The following CDH17 variants were observed in gnomAD, a reference collection of about 807,000 sequenced individuals.
CDH17 encodes cadherin 17, also known as cadherin-17.
Under a neutral mutation model 86.3 loss-of-function variants are expected in CDH17, and 67 were observed. The ratio of observed to expected loss-of-function variants is 0.78; its 90% confidence interval spans 0.64 to 0.95. CDH17 has a LOEUF of 0.95. Ranked by LOEUF, CDH17 falls within the 40% of genes least tolerant of loss-of-function variation. The pLI, the probability that CDH17 is intolerant of heterozygous loss-of-function variation, is 0.00. For synonymous variants in CDH17, 367 were observed against 366.4 expected (o/e 1.00, Z -0.02); for missense variants, 993 against 1,017.6 (o/e 0.98, Z 0.33).
At chr8:94,128,869 G>A (rs1010166675) in intron 17 of CDH17, among the ~76,000 whole-genome samples, 1 of 152,040 alleles carries the variant, frequency 6.6e-6, no homozygotes, top group Admixed American at 6.6e-5. Flanking sequence ...ATGTTGTTGT[G>A]GGACCCTGGG....
In CDH17 at chr8:94,192,504, AG is replaced by A. The variant is rs146745314; in HGVS notation, c.51+2130del. Among the ~76,000 whole-genome samples, 780 of 152,332 alleles carry A rather than the reference AG, an allele frequency of 5.1e-3. 9 individuals are homozygous for A. Among genetic ancestry groups the A allele is most frequent in the Non-Finnish European group, 8.1e-3 (553 of 68,026 alleles). ...AGTATCTCCAGAGAAGTCCCACAGT[AG>A]AAGCAAAGCATTCAGAGACAGAGCT... On this transcript the variant is annotated intron_variant, in intron 2 of 17. Transcript: ENST00000027335.
intron 1 of CDH17, among the ~76,000 whole-genome samples, chr8:94,216,737 C>T (rs995239818): frequency 6.6e-6 from 1 of 152,174 alleles, no homozygotes; most frequent in Non-Finnish European, 1.5e-5. Context: ...TAGTTAACTA[C>T]ACAATACTTG....
chr8:94,199,437 A>C (rs780845675), intron 1 of CDH17, among the ~76,000 whole-genome samples: 14 of 151,378 alleles, frequency 9.2e-5, no homozygotes, highest in Non-Finnish European at 2.1e-4. Flanking sequence ...AACTGGTCGA[A>C]CTAGATCATC....
chr8:94,158,622 G>C (rs1306254831), intron 12 of CDH17, among the ~76,000 whole-genome samples: 1 of 152,130 alleles, frequency 6.6e-6, no homozygotes, highest in East Asian at 1.9e-4. Context: ...CTTTCTTTCT[G>C]TGGTATTCTC....
Position 94,128,315 on chromosome 8 carries a change from G to C in CDH17, c.2424C>G (p.Ile808Met). Reference sequence around the variant, plus strand: ...CTTTGCCTTTATCCTTCTTTATGCGGATAAACACAACTGCTAAAATTATAC... The same window carrying C: ...CTTTGCCTTTATCCTTCTTTATGCGCATAAACACAACTGCTAAAATTATAC... The part of the protein sequence containing the change: ...VIGIILAVVF[I>M]RIKKDKGKDN... The change falls in exon 18 of 18, where the codon ATC (isoleucine) becomes ATG (methionine). Residue 808 changes from isoleucine (I) to methionine (M), a missense_variant. Coordinates refer to ENST00000027335, the MANE Select transcript of CDH17 (RefSeq NM_004063.4). 6.2e-7 allele frequency: 1 copy of C among 1,612,204 alleles called. No homozygotes were observed. The highest frequency in any genetic ancestry group is 8.5e-7 in the Non-Finnish European group (1 of 1,178,710).
chr8:94,200,797 G>A (rs1002094869), intron 1 of CDH17, among the ~76,000 whole-genome samples: 6 of 151,910 alleles, frequency 3.9e-5, no homozygotes, highest in Non-Finnish European at 8.8e-5. Context: ...CATCCAGCCC[G>A]GATAACGACA....
chr8:94,200,898 T>C (rs983776133), intron 1 of CDH17, among the ~76,000 whole-genome samples: 20 of 152,150 alleles, frequency 1.3e-4, no homozygotes, highest in African/African-American at 4.3e-4. Context: ...TCAGAACAAC[T>C]CTATGGAGCA....
intron 1 of CDH17, among the ~76,000 whole-genome samples, chr8:94,207,458 T>C (rs1396398631): frequency 6.6e-6 from 1 of 152,218 alleles, no homozygotes; most frequent in Non-Finnish European, 1.5e-5. Flanking sequence ...TGGAAAATGA[T>C]GAAACTGGCC....
chr8:94,170,747 G>T, intron 8 of CDH17, 107 bp downstream of exon 8: 1 of 1,411,898 alleles, frequency 7.1e-7, no homozygotes, highest in East Asian at 2.3e-5. Flanking sequence ...GCTGGAGTCT[G>T]AAATGTGTGT....
intron 2 of CDH17, among the ~76,000 whole-genome samples, chr8:94,192,490 A>G (rs955013463): frequency 1.3e-5 from 2 of 152,208 alleles, no homozygotes; most frequent in African/African-American, 4.8e-5. Context: ...GTATCTCCAG[A>G]GAAGTCCCAC....
chr8:94,194,039 C>T (rs903652669), intron 2 of CDH17, among the ~76,000 whole-genome samples: 8 of 151,824 alleles, frequency 5.3e-5, no homozygotes, highest in Middle Eastern at 3.2e-3. Context: ...TCAGCAGTCA[C>T]GTAGATTTTA....
chr8:94,148,711 CTTTTT>C (rs747725933), intron 14 of CDH17, 28 bp downstream of exon 14: 1 of 1,337,870 alleles, frequency 7.5e-7, no homozygotes, highest in Non-Finnish European at 9.8e-7. Flanking sequence ...ATCTGTGTTC[CTTTTT>C]TTTTGTTTTT....
chr8:94,132,419 T>G (rs563828724), intron 15 of CDH17, among the ~76,000 whole-genome samples: 6 of 152,372 alleles, frequency 3.9e-5, no homozygotes, highest in Admixed American at 2.6e-4. Flanking sequence ...TGCATTTCTC[T>G]GATGACCAGT....
intron 15 of CDH17, 49 bp downstream of exon 15, chr8:94,145,879 A>G (rs1430904548): frequency 1.3e-6 from 2 of 1,571,160 alleles, no homozygotes; most frequent in Non-Finnish European, 8.7e-7. Context: ...AATAAAACCT[A>G]CTTTCATCAT....
chr8:94,165,850 G>C lies in CDH17; in HGVS notation c.1193C>G (p.Thr398Ser). Residue 398 changes from threonine to serine, a missense_variant, in exon 10 of 18, where the codon ACC becomes AGC. Physicochemically the swap from Thr to Ser is moderately conservative, Grantham distance 58. Coordinates refer to ENST00000027335, the MANE Select transcript of CDH17 (RefSeq NM_004063.4). ...AGCTAACTGTAACATTCCAGCATAG[G>C]TTTGGATTAGGAAGAGTCCATCCAT... ...LPMDGLFLIQ[T>S]YAGMLQLAKQ... 1 of 1,613,778 alleles carries C rather than the reference G, an allele frequency of 6.2e-7. No homozygotes were observed.
intron 15 of CDH17, among the ~76,000 whole-genome samples, chr8:94,142,558 T>C (rs1306948201): frequency 6.6e-6 from 1 of 152,238 alleles, no homozygotes; most frequent in East Asian, 1.9e-4. Context: ...GAGAGCCCTC[T>C]GTATAGCATG....
At chr8:94,130,577 A>C in intron 17 of CDH17, 49 bp downstream of exon 17, 1 of 1,314,740 alleles carries the variant, frequency 7.6e-7, no homozygotes, top group Non-Finnish European at 1.1e-6. Context: ...ATGAGCTCAC[A>C]TTTCTGAGGC....
At position 94,160,134 on chromosome 8, in the gene CDH17, G is replaced by GC; in HGVS notation, c.1387_1388insG (p.Thr463SerfsTer14). Reference sequence around the variant, plus strand: ...GGTTAAGATGGTGGACCCAATGTTTGTGTCTTCAGCAAGAGTCAGGTTTCC... The same window carrying GC: ...GGTTAAGATGGTGGACCCAATGTTTGCTGTCTTCAGCAAGAGTCAGGTTTCC... On this transcript the variant is annotated frameshift_variant, in exon 12 of 18. Coordinates refer to ENST00000027335, the MANE Select transcript of CDH17 (RefSeq NM_004063.4). LOFTEE classifies it high-confidence loss of function. 6.2e-7 allele frequency: 1 copy of GC among 1,612,996 alleles called. No homozygotes were observed. Among genetic ancestry groups the GC allele is most frequent in the Non-Finnish European group, 8.5e-7 (1 of 1,179,528 alleles).
intron 9 of CDH17, among the ~76,000 whole-genome samples, chr8:94,168,808 A>T (rs1813215707): frequency 1.3e-5 from 2 of 152,168 alleles, no homozygotes; most frequent in Admixed American, 6.5e-5. Flanking sequence ...GTGCTTTTTC[A>T]GAACCCCATC....
Sources: gnomAD v4.1 joint callset for allele counts (sites outside exome capture counted in the v4.1 genomes callset) on GRCh38, gnomAD v4.1.1 for gene constraint, MANE v1.5 for transcripts, NCBI Gene and HGNC (gene_info 2026-07-23, HGNC 2026-07-21) for gene names.